CDH8: variants seen among roughly 807,000 people sequenced by gnomAD.
CDH8 encodes cadherin-8.
Under a neutral mutation model 68.1 loss-of-function variants are expected in CDH8, and 17 were observed. That is an observed-to-expected ratio of 0.25 (90% CI 0.17 to 0.37). The LOEUF is 0.37. Among genes scored for constraint, CDH8 ranks in the 10% least tolerant of loss-of-function variants. The pLI, the probability that CDH8 is intolerant of heterozygous loss-of-function variation, is 1.00. For missense variants in CDH8, 763 were observed against 999.3 expected (o/e 0.76, Z 3.19); for synonymous variants, 372 against 365.1 (o/e 1.02, Z -0.21).
At chr16:61,716,973 C>T (rs1231259095) in intron 9 of CDH8, among the ~76,000 whole-genome samples, 1 of 151,632 alleles carries the variant, frequency 6.6e-6, no homozygotes, top group African/African-American at 2.4e-5. Context: ...TGTACCTTCA[C>T]AGAGGCAGGT....
rs1963062967 is a variant in CDH8, at chr16:61,857,189, A to G, written c.597T>C (p.Tyr199=). Residue 199 remains tyrosine, a synonymous_variant, in exon 4 of 12, where the codon TAT becomes TAC. Coordinates refer to ENST00000577390, the MANE Select transcript of CDH8 (RefSeq NM_001796.5). The part of the protein sequence containing the change: ...VTATDADDPV[Y]GNSAKLVYSI... ...TATAAACCAACTTTGCACTGTTTCC[A>G]TAAACTGGGTCATCAGCGTCGGTCG... 1.2e-6 allele frequency: 2 copies of G among 1,613,354 alleles called. No homozygotes were observed. Among genetic ancestry groups the G allele is most frequent in the Non-Finnish European group, 1.7e-6 (2 of 1,179,388 alleles).
At chr16:61,699,096 C>G (rs1964376800) in intron 10 of CDH8, among the ~76,000 whole-genome samples, 1 of 152,112 alleles carries the variant, frequency 6.6e-6, no homozygotes, top group African/African-American at 2.4e-5. Context: ...GAAGCCCCAC[C>G]AACTTTGCTA....
chr16:61,827,839 T>C (rs1455878349), intron 4 of CDH8, among the ~76,000 whole-genome samples: 1 of 151,818 alleles, frequency 6.6e-6, no homozygotes, highest in African/African-American at 2.4e-5. Flanking sequence ...TGTATGTCAT[T>C]TTTGACTCCC....
At chr16:61,832,391 A>C (rs1235636240) in intron 4 of CDH8, among the ~76,000 whole-genome samples, 1 of 146,496 alleles carries the variant, frequency 6.8e-6, no homozygotes, top group African/African-American at 2.5e-5. Flanking sequence ...TACATAGAGA[A>C]ATAGAGAGGG....
At chr16:61,990,215 T>G (rs1384156161) in intron 2 of CDH8, among the ~76,000 whole-genome samples, 1 of 152,002 alleles carries the variant, frequency 6.6e-6, no homozygotes, top group Non-Finnish European at 1.5e-5. Context: ...TATAACAGAT[T>G]AGAGAAAGGG....
intron 3 of CDH8, among the ~76,000 whole-genome samples, chr16:61,883,967 T>TA (rs397969984): frequency 1.3e-5 from 2 of 151,910 alleles, no homozygotes; most frequent in South Asian, 2.1e-4. Flanking sequence ...GGTTTTTTTT[T>TA]AAATAAATGT....
intron 2 of CDH8, among the ~76,000 whole-genome samples, chr16:61,960,280 T>TACACACATATATACGTGTGTGTGTATAC (rs1965113769): frequency 1.0e-5 from 1 of 100,040 alleles, no homozygotes; most frequent in Non-Finnish European, 1.8e-5. Flanking sequence ...TGTGTGTGTA[T>TACACACATATATACGTGTGTGTGTATAC]ACACACATAT....
At chr16:61,712,392 C>T (rs1410574315) in intron 10 of CDH8, among the ~76,000 whole-genome samples, 1 of 151,538 alleles carries the variant, frequency 6.6e-6, no homozygotes, top group Non-Finnish European at 1.5e-5. Context: ...CTAAGGATCT[C>T]AGAATATTTG....
At chr16:61,707,147 T>C (rs1474095585) in intron 10 of CDH8, among the ~76,000 whole-genome samples, 1 of 152,136 alleles carries the variant, frequency 6.6e-6, no homozygotes, top group East Asian at 1.9e-4. Flanking sequence ...CCAAATACCT[T>C]ATTTAGGTTC....
At chr16:61,981,650 G>A (rs1390273581) in intron 2 of CDH8, among the ~76,000 whole-genome samples, 4 of 114,334 alleles carry the variant, frequency 3.5e-5, no homozygotes, top group South Asian at 2.6e-4. Context: ...TGAAAAGAAT[G>A]TGTGTGTGTG....
intron 2 of CDH8, among the ~76,000 whole-genome samples, chr16:61,995,011 G>A (rs1014093594): frequency 6.6e-6 from 1 of 152,142 alleles, no homozygotes; most frequent in Non-Finnish European, 1.5e-5. Context: ...AAGTCCCGGG[G>A]AGATTAAGAA....
At chr16:61,708,724 A>G (rs547222169) in intron 10 of CDH8, among the ~76,000 whole-genome samples, 63 of 152,368 alleles carry the variant, frequency 4.1e-4, no homozygotes, top group African/African-American at 1.5e-3. Flanking sequence ...TGCTGGAAGC[A>G]TAAACAATAA....
In CDH8 at chr16:61,652,573, G is replaced by A. The variant is rs1382977772; in HGVS notation, c.*1035C>T. On this transcript the variant is annotated 3_prime_UTR_variant, in exon 12 of 12. Coordinates refer to ENST00000577390, the MANE Select transcript of CDH8 (RefSeq NM_001796.5). Reference sequence around the variant, plus strand: ...TAAAGAGACTATTAGCTCTCCTTTCGATAATATTGCCTGCCATACTCATCT... The same window carrying A: ...TAAAGAGACTATTAGCTCTCCTTTCAATAATATTGCCTGCCATACTCATCT... 1.1e-5 allele frequency: 12 copies of A among 1,059,530 alleles called. No individual in the cohort carries two copies. Among genetic ancestry groups the A allele is most frequent in the Middle Eastern group, 4.1e-4 (1 of 2,426 alleles). The allele number at this position is 1,059,530 out of a possible 1,614,324, so 65.6% of individuals were successfully genotyped here.
intron 8 of CDH8, among the ~76,000 whole-genome samples, chr16:61,746,671 C>A (rs1308140507): frequency 6.6e-6 from 1 of 151,434 alleles, no homozygotes; most frequent in East Asian, 1.9e-4. Context: ...TAGCAACAGA[C>A]AAAATTTACT....
At chr16:61,713,321 C>A (rs542660602) in intron 10 of CDH8, among the ~76,000 whole-genome samples, 2 of 151,786 alleles carry the variant, frequency 1.3e-5, no homozygotes, top group East Asian at 3.9e-4. Context: ...TTCATATTAG[C>A]TCCAAAATAA....
At chr16:61,868,688 G>A (rs1220512536) in intron 3 of CDH8, among the ~76,000 whole-genome samples, 1 of 152,074 alleles carries the variant, frequency 6.6e-6, no homozygotes, top group African/African-American at 2.4e-5. Context: ...TTGGGGTCAT[G>A]TCAGCACTCA....
chr16:61,825,186 G>T lies in CDH8; in HGVS notation c.668-7C>A, dbSNP rs1206243030. The T allele has an allele frequency of 6.3e-7, 1 of 1,595,986 alleles. No homozygotes were observed. The highest frequency in any genetic ancestry group is 2.2e-5 in the East Asian group (1 of 44,662). ...AGGGCAGTTTTTATAATAGCTGAGG[G>T]GGAAAATGGAAGAATGACTTTCAGT... On this transcript the variant is annotated splice_polypyrimidine_tract_variant and splice_region_variant and intron_variant, in intron 4 of 11. Transcript: ENST00000577390.
chr16:61,941,596 T>C (rs1268886153), intron 2 of CDH8, among the ~76,000 whole-genome samples: 1 of 152,182 alleles, frequency 6.6e-6, no homozygotes, highest in Non-Finnish European at 1.5e-5. Context: ...ATTATGGGCA[T>C]GTGCCACCAA....
At chr16:61,875,918 C>T (rs1963449525) in intron 3 of CDH8, among the ~76,000 whole-genome samples, 1 of 152,146 alleles carries the variant, frequency 6.6e-6, no homozygotes, top group African/African-American at 2.4e-5. Flanking sequence ...GCTCTGTCAC[C>T]CAGGCTGGAG....
Sources: gnomAD v4.1 joint callset for allele counts (sites outside exome capture counted in the v4.1 genomes callset) on GRCh38, gnomAD v4.1.1 for gene constraint, MANE v1.5 for transcripts, NCBI Gene and HGNC (gene_info 2026-07-23, HGNC 2026-07-21) for gene names.